Variants in DCAF12 observed in about 807,000 individuals in gnomAD.
DCAF12 encodes the protein DDB1- and CUL4-associated factor 12.
DCAF12 carries 28 observed loss-of-function variants against 52.8 expected under a neutral mutation model. The ratio of observed to expected loss-of-function variants is 0.53; its 90% confidence interval spans 0.39 to 0.73. The LOEUF (loss-of-function observed/expected upper bound fraction) is 0.73. Ranked by LOEUF, DCAF12 falls within the 30% of genes least tolerant of loss-of-function variation. The pLI is 0.00. For missense variants in DCAF12, 425 were observed against 552.2 expected (o/e 0.77, Z 2.31); for synonymous variants, 196 against 215.5 (o/e 0.91, Z 0.79).
chr9:34,103,739 C>T (rs1828864951), intron 4 of DCAF12, among the ~76,000 whole-genome samples: 1 of 151,948 alleles, frequency 6.6e-6, no homozygotes, highest in Admixed American at 6.6e-5. Flanking sequence ...CCTGTAGTCC[C>T]AGCTACTTGA....
intron 8 of DCAF12, 75 bp downstream of exon 8, chr9:34,089,337 G>T (rs763431762): frequency 1.4e-6 from 2 of 1,448,596 alleles, no homozygotes; most frequent in Non-Finnish European, 1.9e-6. Context: ...TGGTGTGTCA[G>T]TGGGGGCTGA....
At chr9:34,115,908 C>T (rs1829081460) in intron 2 of DCAF12, among the ~76,000 whole-genome samples, 9 of 152,126 alleles carry the variant, frequency 5.9e-5, no homozygotes, top group African/African-American at 1.9e-4. Context: ...TAAGGTAGTT[C>T]ACTGCATGAA....
At chr9:34,102,953 C>T (rs1255213648) in intron 4 of DCAF12, among the ~76,000 whole-genome samples, 2 of 151,856 alleles carry the variant, frequency 1.3e-5, no homozygotes, top group Non-Finnish European at 2.9e-5. Context: ...TGGCACATGC[C>T]TGTAGTCCCA....
At chr9:34,088,609 G>A (rs527690040) in intron 8 of DCAF12, 101 bp from the exon 9 acceptor site, 1 of 1,312,692 alleles carries the variant, frequency 7.6e-7, no homozygotes, top group African/African-American at 1.5e-5. Context: ...TAAGGGAACA[G>A]GGTTCTACAG....
chr9:34,089,738 T>A (rs555576565), intron 7 of DCAF12, 148 bp from the exon 8 acceptor site: 2 of 682,034 alleles, frequency 2.9e-6, no homozygotes, highest in South Asian at 2.6e-5. Flanking sequence ...GTTTTCCCAA[T>A]GGCAAGTTAG....
At chr9:34,098,550 T>C (rs1262734331) in intron 4 of DCAF12, 33 bp from the exon 5 acceptor site, 2 of 1,591,426 alleles carry the variant, frequency 1.3e-6, no homozygotes, top group Non-Finnish European at 1.7e-6. Flanking sequence ...ATGTCAGATG[T>C]ACCCACCCCT....
chr9:34,122,418 C>A (rs1014506369), intron 2 of DCAF12, among the ~76,000 whole-genome samples: 1 of 151,856 alleles, frequency 6.6e-6, no homozygotes, highest in Non-Finnish European at 1.5e-5. Flanking sequence ...AAATCTGTTC[C>A]TTAACATTCA....
rs140753954 is a variant in DCAF12, at chr9:34,107,486, T to G, written c.413A>C (p.Gln138Pro). ...GATGGCATGGATACCACAGCCCTGC[T>G]GGGTCACACCTCCAGGCTCCCGGTC... Reference protein sequence around the residue: ...LKDREPGGVTQQGCGIHAIEL... With the variant: ...LKDREPGGVTPQGCGIHAIEL... Residue 138 changes from glutamine (Q) to proline (P), a missense_variant, in exon 3 of 9, where the codon CAG becomes CCG. This residue lies in a region of DCAF12 where 328 missense variants were observed against 444.4 expected (regional missense o/e 0.74). Transcript: ENST00000361264. 23 of 1,614,060 alleles carry G rather than the reference T, an allele frequency of 1.4e-5. No individual in the cohort carries two copies. In the African/African-American group the frequency reaches 2.8e-4, roughly 20 times the overall value.
chr9:34,093,307 A>G lies in DCAF12; in HGVS notation c.1003T>C (p.Cys335Arg). The G allele has an allele frequency of 6.2e-7, 1 of 1,614,244 alleles. No homozygotes were observed. The highest frequency in any genetic ancestry group is 8.5e-7 in the Non-Finnish European group (1 of 1,180,048). Residue 335 changes from cysteine (C) to arginine (R), a missense_variant, in exon 7 of 9, where the codon TGT (cysteine) becomes CGT (arginine). Around this residue, in one of 3 missense-constraint regions of DCAF12, gnomAD observed 328 missense variants for 444.4 expected, o/e 0.74. Coordinates refer to ENST00000361264, the MANE Select transcript of DCAF12 (RefSeq NM_015397.4). ...TTACCACTGCCTCGCTCCCTGGAAC[A>G]GACAGACTTGACGTTGTATGATGGC... ...RQPSYNVKSV[C>R]SRERGSGIRS...
In DCAF12 at chr9:34,107,261, GT is replaced by G. The variant is rs1828917852; in HGVS notation, c.540+97del. On this transcript the variant is annotated intron_variant, in intron 3 of 8. Coordinates refer to ENST00000361264, the MANE Select transcript of DCAF12 (RefSeq NM_015397.4). ...TACACTGTGCCCTATGGGGAGTCCAGTCCCCACTCTGGGCTGATGAGAGGAG... is the reference window on the plus strand; with the variant it reads ...TACACTGTGCCCTATGGGGAGTCCAGCCCCACTCTGGGCTGATGAGAGGAG... The G allele has an allele frequency of 3.3e-6, 4 of 1,195,594 alleles. No individual in the cohort carries two copies. In the East Asian group the frequency reaches 9.3e-5, roughly 28 times the overall value. 74.1% of individuals were successfully genotyped at this position (1,195,594 alleles called of 1,614,324 possible).
At chr9:34,122,633 T>G (rs760895052) in intron 2 of DCAF12, among the ~76,000 whole-genome samples, 1 of 152,056 alleles carries the variant, frequency 6.6e-6, no homozygotes. Flanking sequence ...CCCACCATCA[T>G]GCCCAGCTAA....
chr9:34,104,262 T>TA (rs975567091), intron 4 of DCAF12, among the ~76,000 whole-genome samples: 6 of 148,234 alleles, frequency 4.0e-5, no homozygotes, highest in Non-Finnish European at 7.5e-5. Context: ...TCTCAAAAAT[T>TA]AAAAAAAAAG....
chr9:34,094,562 GCA>G (rs1200198000), intron 6 of DCAF12, among the ~76,000 whole-genome samples: 1 of 139,504 alleles, frequency 7.2e-6, no homozygotes, highest in Non-Finnish European at 1.5e-5. Context: ...ACGGAGTCTC[GCA>G]CTGTCGCCCA....
At chr9:34,122,982 A>G (rs1162013148) in intron 2 of DCAF12, among the ~76,000 whole-genome samples, 3 of 152,116 alleles carry the variant, frequency 2.0e-5, no homozygotes, top group Non-Finnish European at 4.4e-5. Flanking sequence ...TACCTAACCC[A>G]TCCCAGCTGC....
intron 4 of DCAF12, among the ~76,000 whole-genome samples, chr9:34,103,095 CAAAAAAAAA>C (rs34456166): frequency 1.8e-4 from 18 of 100,190 alleles, no homozygotes; most frequent in East Asian, 6.7e-4. Flanking sequence ...ACCTTAACTC[CAAAAAAAAA>C]AAAAAAAAAA....
In DCAF12 at chr9:34,125,141, G is replaced by A. The variant is rs758454421; in HGVS notation, c.215C>T (p.Ala72Val). ...SYSRVLHGYA[A>V]QQLPSLLKER... ...CTTCAGGAGACTGGGAAGTTGCTGT[G>A]CTGCATAACCATGCAACACTCGAGA... Residue 72 changes from alanine to valine, a missense_variant, in exon 2 of 9, where the codon GCA (alanine) becomes GTA (valine). Transcript: ENST00000361264. 1 of 1,614,118 alleles carries A rather than the reference G, an allele frequency of 6.2e-7. No homozygotes were observed. Among genetic ancestry groups the A allele is most frequent in the East Asian group, 2.2e-5 (1 of 44,884 alleles).
intron 7 of DCAF12, among the ~76,000 whole-genome samples, chr9:34,090,395 T>C (rs1828625519): frequency 6.6e-6 from 1 of 152,038 alleles, no homozygotes. Context: ...ATTAGGTGTT[T>C]TGAGAGTGGC....
At chr9:34,121,761 G>A (rs1587743002) in intron 2 of DCAF12, among the ~76,000 whole-genome samples, 2 of 152,042 alleles carry the variant, frequency 1.3e-5, no homozygotes, top group Admixed American at 6.6e-5. Flanking sequence ...TGGCCAACAC[G>A]GTGAAACCCT....
chr9:34,126,310 G>A lies in DCAF12; in HGVS notation c.78+44C>T, dbSNP rs1563865496. On this transcript the variant is annotated intron_variant, in intron 1 of 8. Transcript: ENST00000361264. ...ATCTGCGGACCCTAAGCCCATCTTG[G>A]TTCCTCAGCCTCACCACCCAGGTGC... 1.2e-5 allele frequency: 20 copies of A among 1,605,574 alleles called. No individual in the cohort carries two copies. In the East Asian group the frequency reaches 4.5e-4, roughly 36 times the overall value.
Sources: gnomAD v4.1 joint callset for allele counts (sites outside exome capture counted in the v4.1 genomes callset) on GRCh38, gnomAD v4.1.1 for gene constraint, gnomAD v4.1.1 regional missense constraint, MANE v1.5 for transcripts, NCBI Gene and HGNC (gene_info 2026-07-23, HGNC 2026-07-21) for gene names.